FGD5: variants seen among roughly 807,000 people sequenced by gnomAD.
FGD5 encodes the protein FYVE, RhoGEF and PH domain containing 5.
A neutral mutation model predicts 133.4 loss-of-function variants in FGD5; 28 were observed. The ratio of observed to expected loss-of-function variants is 0.21; its 90% CI spans 0.16 to 0.29. The LOEUF (loss-of-function observed/expected upper bound fraction) is 0.29, where lower values mean the gene tolerates loss of function less well. Ranked by LOEUF, FGD5 falls within the 10% of genes least tolerant of loss-of-function variation. The pLI is 1.00. For synonymous variants in FGD5, 810 were observed against 776.5 expected, an observed-to-expected ratio of 1.04 and a Z score of -0.72; for missense variants, 1,858 against 1,895.2, an observed-to-expected ratio of 0.98 and a Z score of 0.36.
intron 1 of FGD5, among the ~76,000 whole-genome samples, chr3:14,856,584 C>T (rs2037282526): frequency 6.6e-6 from 1 of 151,702 alleles, no homozygotes; most frequent in Non-Finnish European, 1.5e-5. Context: ...AAGTCTTTCA[C>T]CTTCTTAGTT....
chr3:14,933,109 T>C (rs370165373), intron 19 of FGD5, 22 bp from the exon 20 acceptor site: 12 of 1,612,254 alleles, frequency 7.4e-6, no homozygotes. Flanking sequence ...AAACCAAATG[T>C]CCTCCCTGTT....
At chr3:14,860,138 A>T (rs1282550282) in intron 1 of FGD5, among the ~76,000 whole-genome samples, 1 of 152,150 alleles carries the variant, frequency 6.6e-6, no homozygotes, top group African/African-American at 2.4e-5. Flanking sequence ...CAGGAGTGGG[A>T]CTGGCTTGGC....
intron 1 of FGD5, among the ~76,000 whole-genome samples, chr3:14,853,636 C>CTTTTTTTTTTTTTTTTTTTTTTTT (rs34008934): frequency 5.4e-5 from 2 of 37,094 alleles, no homozygotes; most frequent in Admixed American, 5.1e-4. Flanking sequence ...AAAAGCGTTC[C>CTTTTTTTTTTTTTTTTTTTTTTTT]TTTTTTTTTT....
In FGD5 at chr3:14,933,346, A is replaced by G; in HGVS notation, c.*179A>G. On this transcript the variant is annotated 3_prime_UTR_variant, in exon 20 of 20. Transcript: ENST00000285046. ...CCTTGCCAACATCTTCATGAATGGA[A>G]TCCTTAAGGGATATTTATGGACCTC... 1.5e-6 allele frequency: 1 copy of G among 670,716 alleles called. No individual in the cohort carries two copies. Among genetic ancestry groups the G allele is most frequent in the South Asian group, 1.7e-5 (1 of 58,182 alleles). 41.5% of individuals were successfully genotyped at this position (670,716 alleles called of 1,614,324 possible). A position where few individuals can be genotyped will look rare whatever the true frequency, so the allele number is the denominator to read the frequency against.
intron 1 of FGD5, among the ~76,000 whole-genome samples, chr3:14,863,383 A>AGTT (rs5846850): frequency 0.093 from 14,199 of 152,236 alleles, 829 homozygotes; most frequent in East Asian, 0.3. Context: ...ATTGTGCATG[A>AGTT]GTTCACATTT....
upstream of FGD5, among the ~76,000 whole-genome samples, chr3:14,818,670 C>T (rs1445305228): frequency 1.3e-5 from 2 of 152,204 alleles, no homozygotes; most frequent in Non-Finnish European, 2.9e-5. Context: ...GACCTGGACA[C>T]TTCATTTGAG....
In FGD5 at chr3:14,819,364, A is replaced by G; in HGVS notation, c.293A>G (p.Glu98Gly). 1 of 1,549,130 alleles carries G rather than the reference A, an allele frequency of 6.5e-7. No homozygotes were observed. The highest frequency in any genetic ancestry group is 1.2e-5 in the South Asian group (1 of 83,534). ...GTGTCTCCCGAGTCCTCTGCGGAAGAGGAAGAGGAGCGTGAAGAGGGAGGC... is the reference window on the plus strand; with the variant it reads ...GTGTCTCCCGAGTCCTCTGCGGAAGGGGAAGAGGAGCGTGAAGAGGGAGGC... ...ALVSPESSAEEEEEREEGGEA... is the reference protein window; with the variant it reads ...ALVSPESSAEGEEEREEGGEA... Residue 98 changes from glutamate (E) to glycine (G), a missense_variant, in exon 1 of 20, where the codon GAG (glutamate) becomes GGG (glycine). Physicochemically the swap from Glu to Gly is moderately conservative, Grantham distance 98. Around this residue, in one of 3 missense-constraint regions of FGD5, gnomAD observed 1,824 missense variants for 1,848.9 expected, o/e 0.99. Transcript: ENST00000285046. The surrounding 1 kb of genome is among the most constrained non-coding windows in gnomAD (Gnocchi z 4.1).
chr3:14,845,729 C>G lies in FGD5; in HGVS notation c.2526-18399C>G, dbSNP rs147064303. Among the ~76,000 whole-genome samples, 637 of 152,314 alleles carry G rather than the reference C, an allele frequency of 4.2e-3. 2 individuals are homozygous for G. Among genetic ancestry groups the G allele is most frequent in the African/African-American group, 0.014 (598 of 41,574 alleles). Reference sequence around the variant, plus strand: ...GCTTCATAGTCATCCCCCCACAGGTCTAGAGCAGTGTTCATTGCCACGTGC... The same window carrying G: ...GCTTCATAGTCATCCCCCCACAGGTGTAGAGCAGTGTTCATTGCCACGTGC... On this transcript the variant is annotated intron_variant, in intron 1 of 19. Coordinates refer to ENST00000285046, the MANE Select transcript of FGD5 (RefSeq NM_152536.4).
intron 9 of FGD5, 133 bp from the exon 10 acceptor site, chr3:14,907,507 A>AG: frequency 1.4e-6 from 1 of 715,094 alleles, no homozygotes; most frequent in Non-Finnish European, 2.3e-6. Context: ...CTTGTACAGG[A>AG]GGTTGGATTT....
chr3:14,839,549 C>T (rs749605797), intron 1 of FGD5, among the ~76,000 whole-genome samples: 1 of 152,156 alleles, frequency 6.6e-6, no homozygotes, highest in South Asian at 2.1e-4. Context: ...CTCAACAATG[C>T]GGAGCTCTGC....
In FGD5 at chr3:14,917,647, G is replaced by C. The variant is rs1259069703; in HGVS notation, c.3489+315G>C. Among the ~76,000 whole-genome samples, 8 of 152,102 alleles carry C rather than the reference G, an allele frequency of 5.3e-5. No individual in the cohort carries two copies. Among genetic ancestry groups the C allele is most frequent in the African/African-American group, 1.9e-4 (8 of 41,406 alleles). ...GCCTGGGTTGGGGGAACAAGCAGGT[G>C]GTTGGTAATTTTTTTAATTGTGATA... On this transcript the variant is annotated intron_variant, in intron 12 of 19. Transcript: ENST00000285046. The surrounding 1 kb of genome is among the most constrained non-coding windows in gnomAD (Gnocchi z 4.1).
At chr3:14,900,532 T>A in intron 8 of FGD5, 79 bp downstream of exon 8, 1 of 1,519,798 alleles carries the variant, frequency 6.6e-7, no homozygotes, top group Non-Finnish European at 9.0e-7. Flanking sequence ...CCTGCCCCAA[T>A]TCCAAGGCCC....
At chr3:14,817,075 T>G (rs747907505), upstream of FGD5, among the ~76,000 whole-genome samples, 2 of 152,218 alleles carry the variant, frequency 1.3e-5, no homozygotes, top group Non-Finnish European at 2.9e-5. Context: ...CATATTAGAT[T>G]TGGGACACTT....
Position 14,922,275 on chromosome 3 carries a change from A to G in FGD5, c.3670-136A>G. The G allele has an allele frequency of 1.6e-6, 2 of 1,272,534 alleles. No individual in the cohort carries two copies. The highest frequency in any genetic ancestry group is 2.2e-6 in the Non-Finnish European group (2 of 918,688). The allele number at this position is 1,272,534 out of a possible 1,614,324, so 78.8% of individuals were successfully genotyped here. On this transcript the variant is annotated intron_variant, in intron 14 of 19. Coordinates refer to ENST00000285046, the MANE Select transcript of FGD5 (RefSeq NM_152536.4). This position sits in a 1 kb window ranked among gnomAD's most constrained non-coding sequence, Gnocchi z 4.1. ...GTGAGCATCCTGGAGGGTGCAGGAGAGGCCTTTCACATCAGACCCACTCAC... is the reference window on the plus strand; with the variant it reads ...GTGAGCATCCTGGAGGGTGCAGGAGGGGCCTTTCACATCAGACCCACTCAC...
At chr3:14,812,032 A>ATGTG (rs1308177912) in intron 1 of FGD5, among the ~76,000 whole-genome samples, 49 of 93,690 alleles carry the variant, frequency 5.2e-4, no homozygotes, top group Admixed American at 5.4e-4. Flanking sequence ...GTGTGTGTGT[A>ATGTG]TGTATGTGTG....
chr3:14,877,701 G>T (rs1383326469), intron 2 of FGD5, among the ~76,000 whole-genome samples: 1 of 152,142 alleles, frequency 6.6e-6, no homozygotes, highest in East Asian at 1.9e-4. Context: ...GAGTGCAGAG[G>T]GGCAAGCCCA....
intron 1 of FGD5, among the ~76,000 whole-genome samples, chr3:14,839,261 C>T (rs1030006684): frequency 2.0e-5 from 3 of 152,172 alleles, no homozygotes; most frequent in African/African-American, 4.8e-5. Context: ...TCGGCTGTAA[C>T]GTGGAGATGC....
upstream of FGD5, among the ~76,000 whole-genome samples, chr3:14,818,403 C>T (rs2036412728): frequency 6.6e-6 from 1 of 152,128 alleles, no homozygotes; most frequent in Non-Finnish European, 1.5e-5. Context: ...TTCCAAGGGT[C>T]CCCGGCTCTA....
Position 14,820,829 on chromosome 3 carries a change from G to A in FGD5, c.1758G>A (p.Ser586=), listed in dbSNP as rs201965283. Reference sequence around the variant, plus strand: ...GGAAAGAGGACAATCTCTCTCTGTCGTGTGTAATTGGCTCCTCTGGGAGTT... The same window carrying A: ...GGAAAGAGGACAATCTCTCTCTGTCATGTGTAATTGGCTCCTCTGGGAGTT... ...IKRKEDNLSL[S]CVIGSSGSFS... is the part of the protein sequence containing the mutation. Residue 586 remains serine, a synonymous_variant, in exon 1 of 20, where the codon TCG becomes TCA. Transcript: ENST00000285046. 2.0e-5 allele frequency: 32 copies of A among 1,613,708 alleles called. No individual in the cohort carries two copies. Among genetic ancestry groups the A allele is most frequent in the East Asian group, 1.8e-4 (8 of 44,870 alleles).
Sources: allele counts gnomAD v4.1 joint callset (sites outside exome capture counted in the v4.1 genomes callset), GRCh38; gene constraint gnomAD v4.1.1; regional missense constraint gnomAD v4.1.1; non-coding constraint Gnocchi (gnomAD v3.1); transcripts MANE v1.5; gene names NCBI Gene and HGNC (gene_info 2026-07-23, HGNC 2026-07-21).